TDRD7: variants seen among roughly 807,000 people sequenced by gnomAD.
The protein encoded by TDRD7 is tudor domain-containing protein 7.
Under a neutral mutation model 109.8 loss-of-function variants are expected in TDRD7, and 47 were observed. That is an observed-to-expected ratio of 0.43 (90% CI 0.34 to 0.55). The LOEUF is 0.55. TDRD7 is among the 20% of genes least tolerant of loss of function. The pLI, the probability that TDRD7 is intolerant of heterozygous loss-of-function variation, is 0.03. For missense variants in TDRD7, 1,164 were observed against 1,319.2 expected (o/e 0.88, Z 1.82); for synonymous variants, 424 against 457.3 (o/e 0.93, Z 0.93).
intron 6 of TDRD7, among the ~76,000 whole-genome samples, chr9:97,443,177 A>T (rs1032610419): frequency 1.3e-5 from 2 of 152,186 alleles, no homozygotes; most frequent in Non-Finnish European, 2.9e-5. Context: ...TCAATCATTC[A>T]TCCATCCCAT....
At chr9:97,492,225 T>C (rs1829320502) in intron 16 of TDRD7, among the ~76,000 whole-genome samples, 1 of 152,222 alleles carries the variant, frequency 6.6e-6, no homozygotes, top group Non-Finnish European at 1.5e-5. Flanking sequence ...TTCTAAGCTC[T>C]TTACATGCCA....
chr9:97,434,437 C>G (rs914779945), intron 4 of TDRD7, among the ~76,000 whole-genome samples: 1 of 152,088 alleles, frequency 6.6e-6, no homozygotes, highest in Non-Finnish European at 1.5e-5. Flanking sequence ...TTCATGGTGA[C>G]TATAGTTAAT....
chr9:97,483,015 C>G lies in TDRD7; in HGVS notation c.2579C>G (p.Pro860Arg). ...LSAISSGADS[P>R]NSKNGNMPMS... is the part of the protein sequence containing the mutation. ...GCCATATCCAGTGGAGCTGACTCTC[C>G]CAACAGCAAAAATGGCAACATGCCC... The change falls in exon 15 of 17, where the codon CCC becomes CGC. Residue 860 changes from proline to arginine, a missense_variant. This residue lies in a region of TDRD7 where 233 missense variants were observed against 218.0 expected (regional missense o/e 1.07). Transcript: ENST00000355295. The G allele has an allele frequency of 6.2e-7, 1 of 1,614,136 alleles. No homozygotes were observed. Among genetic ancestry groups the G allele is most frequent in the Non-Finnish European group, 8.5e-7 (1 of 1,180,018 alleles).
At chr9:97,439,523 C>T (rs1341498632) in intron 5 of TDRD7, among the ~76,000 whole-genome samples, 1 of 152,186 alleles carries the variant, frequency 6.6e-6, no homozygotes, top group Non-Finnish European at 1.5e-5. Context: ...TAAACACTGA[C>T]TTGAGGCCTT....
chr9:97,482,535 T>C (rs1046848424), intron 14 of TDRD7, among the ~76,000 whole-genome samples: 5 of 152,230 alleles, frequency 3.3e-5, no homozygotes, highest in Non-Finnish European at 1.5e-5. Flanking sequence ...ATCATTAATT[T>C]AAACTATTTT....
chr9:97,483,555 C>T (rs1183883819), intron 15 of TDRD7, among the ~76,000 whole-genome samples: 1 of 151,726 alleles, frequency 6.6e-6, no homozygotes, highest in Non-Finnish European at 1.5e-5. Flanking sequence ...CTGTTAAAAC[C>T]CAATTATATA....
chr9:97,428,429 A>G (rs752310631), intron 1 of TDRD7, 31 bp from the exon 2 acceptor site: 51 of 1,600,612 alleles, frequency 3.2e-5, no homozygotes, highest in Non-Finnish European at 4.3e-5. Context: ...AATGAGCCAT[A>G]TTATAGTAAC....
At chr9:97,413,011 G>C (rs1827746121) in intron 1 of TDRD7, among the ~76,000 whole-genome samples, 2 of 152,152 alleles carry the variant, frequency 1.3e-5, no homozygotes, top group Non-Finnish European at 2.9e-5. Context: ...ATTTCTAAGA[G>C]CAGGGAAGGG....
intron 15 of TDRD7, among the ~76,000 whole-genome samples, chr9:97,485,684 C>T (rs1052739103): frequency 1.3e-5 from 2 of 152,200 alleles, no homozygotes; most frequent in Non-Finnish European, 2.9e-5. Context: ...TGATAACTAT[C>T]ATTTGCCAAG....
chr9:97,485,113 G>GGAAGACTATTTAAGACTCAGGAA (rs1435582272), intron 15 of TDRD7, among the ~76,000 whole-genome samples: 1 of 152,128 alleles, frequency 6.6e-6, no homozygotes, highest in Non-Finnish European at 1.5e-5. Context: ...TTAAGACTCA[G>GGAAGACTATTTAAGACTCAGGAA]GACTATTTAC....
chr9:97,474,696 T>TTGTATGGA (rs1828983523), intron 11 of TDRD7, among the ~76,000 whole-genome samples: 1 of 152,188 alleles, frequency 6.6e-6, no homozygotes, highest in South Asian at 2.1e-4. Context: ...AGTGACTCAT[T>TTGTATGGA]TGTATGGATG....
intron 6 of TDRD7, among the ~76,000 whole-genome samples, chr9:97,443,012 A>G (rs577906622): frequency 6.6e-6 from 1 of 152,130 alleles, no homozygotes; most frequent in South Asian, 2.1e-4. Context: ...GCCAGGCTGG[A>G]GTCTCGAATT....
rs12552100 is a variant in TDRD7 at position 97,472,351 on chromosome 9, T to C, written c.1800T>C (p.Cys600=). 14,933 of 1,613,996 alleles carry C rather than the reference T, an allele frequency of 9.3e-3. 95 individuals are homozygous for C. The highest frequency in any genetic ancestry group is 0.011 in the Non-Finnish European group (12,855 of 1,179,884). Residue 600 remains cysteine, a synonymous_variant, in exon 10 of 17, where the codon TGT becomes TGC. Transcript: ENST00000355295. The part of the protein sequence containing the change: ...DLVKVVESLT[C]GKIFAVEILD... Reference sequence around the variant, plus strand: ...TGAAGGTGGTTGAATCTTTAACTTGTGGAAAGATCTTTGCAGTGGAAATAC... The same window carrying C: ...TGAAGGTGGTTGAATCTTTAACTTGCGGAAAGATCTTTGCAGTGGAAATAC...
At chr9:97,476,230 C>A (rs1347783286) in intron 12 of TDRD7, among the ~76,000 whole-genome samples, 1 of 152,210 alleles carries the variant, frequency 6.6e-6, no homozygotes, top group Non-Finnish European at 1.5e-5. Flanking sequence ...CTGCCTGGAT[C>A]TAAGGCCATG....
At chr9:97,445,458 A>G (rs938185108) in intron 6 of TDRD7, among the ~76,000 whole-genome samples, 6 of 152,218 alleles carry the variant, frequency 3.9e-5, no homozygotes, top group African/African-American at 1.4e-4. Flanking sequence ...ATGAAGGAGA[A>G]GTACAGGATG....
At chr9:97,439,362 G>A (rs779046364) in intron 5 of TDRD7, 44 bp downstream of exon 5, 11 of 1,511,992 alleles carry the variant, frequency 7.3e-6, no homozygotes, top group Non-Finnish European at 9.1e-6. Context: ...GGCTTCCGGA[G>A]TCAAGAAACA....
chr9:97,424,758 G>T lies in TDRD7; in HGVS notation c.-6-3702G>T, dbSNP rs892625625. On this transcript the variant is annotated intron_variant, in intron 1 of 16. Coordinates refer to ENST00000355295, the MANE Select transcript of TDRD7 (RefSeq NM_014290.3). Reference sequence around the variant, plus strand: ...CTGCCAACCCCTAATGTTTTATAGGGCTATTTCAGTTATTTACAGTTAATG... The same window carrying T: ...CTGCCAACCCCTAATGTTTTATAGGTCTATTTCAGTTATTTACAGTTAATG... 2.0e-5 allele frequency among the ~76,000 whole-genome samples: 3 copies of T among 151,940 alleles called. No homozygotes were observed. In the East Asian group the frequency reaches 5.8e-4, roughly 29 times the overall value.
At position 97,460,259 on chromosome 9, in the gene TDRD7, A is replaced by G; in HGVS notation, c.937A>G (p.Thr313Ala). 1 of 1,614,232 alleles carries G rather than the reference A, an allele frequency of 6.2e-7. No homozygotes were observed. Among genetic ancestry groups the G allele is most frequent in the Non-Finnish European group, 8.5e-7 (1 of 1,180,044 alleles). Residue 313 changes from threonine to alanine, a missense_variant, in exon 7 of 17, where the codon ACT (threonine) becomes GCT (alanine). By Grantham distance (58) the Thr-to-Ala change is moderately conservative. Coordinates refer to ENST00000355295, the MANE Select transcript of TDRD7 (RefSeq NM_014290.3). ...GCAGCTTTTGAGAAGTGAACTGGATACTGAGAAAGTACCTCTATCCCCACT... is the reference window on the plus strand; with the variant it reads ...GCAGCTTTTGAGAAGTGAACTGGATGCTGAGAAAGTACCTCTATCCCCACT... Reference protein sequence around the residue: ...RKQLLRSELDTEKVPLSPLPG... With the variant: ...RKQLLRSELDAEKVPLSPLPG...
Position 97,483,291 on chromosome 9 carries a change from C to T in TDRD7, c.2855C>T (p.Ser952Phe). 1 of 1,614,144 alleles carries T rather than the reference C, an allele frequency of 6.2e-7. No homozygotes were observed. The highest frequency in any genetic ancestry group is 8.5e-7 in the Non-Finnish European group (1 of 1,180,014). ...GAGATGATTCTATATTACAGCGTGT[C>T]TGAAGAGCGCCACATAGCAGTGGAG... ...MEEMILYYSV[S>F]EERHIAVEKD... is the part of the protein sequence containing the mutation. Residue 952 changes from serine to phenylalanine, a missense_variant, in exon 15 of 17, where the codon TCT (serine) becomes TTT (phenylalanine). Physicochemically the swap from Ser to Phe is radical, Grantham distance 155. Around this residue, in one of 5 missense-constraint regions of TDRD7, gnomAD observed 162 missense variants for 222.5 expected, o/e 0.73. Coordinates refer to ENST00000355295, the MANE Select transcript of TDRD7 (RefSeq NM_014290.3).
Sources: gnomAD v4.1 joint callset for allele counts (sites outside exome capture counted in the v4.1 genomes callset) on GRCh38, gnomAD v4.1.1 for gene constraint, gnomAD v4.1.1 regional missense constraint, MANE v1.5 for transcripts, NCBI Gene and HGNC (gene_info 2026-07-23, HGNC 2026-07-21) for gene names.